The following ZNF385D variants were observed in gnomAD, a reference collection of about 807,000 sequenced individuals.
ZNF385D encodes the protein zinc finger protein 385D.
ZNF385D carries 15 observed loss-of-function variants against 35.8 expected under a neutral mutation model. The observed-to-expected ratio is 0.42, with a 90% CI of 0.28 to 0.64. ZNF385D has a LOEUF of 0.64. Among genes scored for constraint, ZNF385D ranks in the 30% least tolerant of loss-of-function variants. ZNF385D has a pLI of 0.23. For synonymous variants in ZNF385D, 212 were observed against 186.8 expected (o/e 1.13, Z -1.10); for missense variants, 474 against 494.6 (o/e 0.96, Z 0.39).
intron 2 of ZNF385D, among the ~76,000 whole-genome samples, chr3:22,205,232 G>GA (rs575156559): frequency 2.0e-5 from 3 of 151,388 alleles, no homozygotes; most frequent in African/African-American, 7.3e-5. Context: ...AATGCCGAAG[G>GA]AAAAAATATT....
intron 2 of ZNF385D, among the ~76,000 whole-genome samples, chr3:22,231,018 A>G (rs906800055): frequency 6.6e-6 from 1 of 152,162 alleles, no homozygotes; most frequent in Non-Finnish European, 1.5e-5. Flanking sequence ...TTATTACTCA[A>G]TCTACCCCAA....
At chr3:22,043,068 C>T (rs1437437374) in intron 3 of ZNF385D, among the ~76,000 whole-genome samples, 1 of 150,994 alleles carries the variant, frequency 6.6e-6, no homozygotes, top group Non-Finnish European at 1.5e-5. Context: ...CTGTGCCACA[C>T]GATCATTCCT....
At chr3:22,136,956 G>A (rs77951286) in intron 3 of ZNF385D, among the ~76,000 whole-genome samples, 6,044 of 152,174 alleles carry the variant, frequency 0.04, 187 homozygotes, top group Non-Finnish European at 0.058. Context: ...AGAGCACAGT[G>A]GATTTTTAGG....
chr3:22,203,361 C>T (rs771857846), intron 2 of ZNF385D, among the ~76,000 whole-genome samples: 6 of 152,078 alleles, frequency 3.9e-5, no homozygotes, highest in Non-Finnish European at 8.8e-5. Context: ...ATTAAAGAGT[C>T]CCTGAGTCTT....
At chr3:22,101,977 T>C (rs1037973935) in intron 3 of ZNF385D, among the ~76,000 whole-genome samples, 5 of 151,336 alleles carry the variant, frequency 3.3e-5, no homozygotes, top group African/African-American at 2.4e-5. Flanking sequence ...GGATCTAGTA[T>C]CCTACTCCCT....
At chr3:21,467,373 G>A (rs867126529) in intron 4 of ZNF385D, among the ~76,000 whole-genome samples, 7 of 152,260 alleles carry the variant, frequency 4.6e-5, no homozygotes, top group Middle Eastern at 3.4e-3. Flanking sequence ...CTAAGTGCCC[G>A]TAAGTTGGAA....
chr3:22,360,562 C>G (rs988404180), intron 2 of ZNF385D, among the ~76,000 whole-genome samples: 1 of 151,858 alleles, frequency 6.6e-6, no homozygotes, highest in Admixed American at 6.6e-5. Context: ...TTTATTAAAA[C>G]CTTAGTAAGA....
chr3:22,236,381 G>A lies in ZNF385D; in HGVS notation c.107-67346C>T, dbSNP rs57650334. On this transcript the variant is annotated intron_variant, in intron 2 of 5. Transcript: ENST00000494108. ...GAGTCTTGCTCTGTCATCCAGGCTA[G>A]AGAAGAGAGGAGTAATCATAGCTCA... Among the ~76,000 whole-genome samples, 734 of 152,160 alleles carry A rather than the reference G, an allele frequency of 4.8e-3. 10 individuals carry two copies. Among genetic ancestry groups the A allele is most frequent in the African/African-American group, 0.017 (687 of 41,498 alleles).
chr3:22,355,288 A>G (rs904155585), intron 2 of ZNF385D, among the ~76,000 whole-genome samples: 2 of 152,066 alleles, frequency 1.3e-5, no homozygotes, highest in Admixed American at 1.3e-4. Context: ...GATTCGTTAG[A>G]TCAAATAACA....
intron 2 of ZNF385D, among the ~76,000 whole-genome samples, chr3:22,200,394 C>T (rs947279031): frequency 6.6e-6 from 1 of 151,974 alleles, no homozygotes; most frequent in Admixed American, 6.6e-5. Flanking sequence ...GCCGTAAAAC[C>T]AGCAAGTTTT....
chr3:21,556,582 A>G (rs376581276), intron 3 of ZNF385D, among the ~76,000 whole-genome samples: 8 of 152,126 alleles, frequency 5.3e-5, no homozygotes, highest in African/African-American at 1.9e-4. Context: ...ATTGATCTAT[A>G]TATCTGTTTT....
chr3:22,207,174 G>A (rs1697211267), intron 2 of ZNF385D, among the ~76,000 whole-genome samples: 1 of 151,846 alleles, frequency 6.6e-6, no homozygotes, highest in Admixed American at 6.6e-5. Context: ...TTAATTTCTA[G>A]ACACATACAA....
At chr3:22,288,429 C>G (rs574695761) in intron 2 of ZNF385D, among the ~76,000 whole-genome samples, 2 of 146,528 alleles carry the variant, frequency 1.4e-5, no homozygotes, top group African/African-American at 5.5e-5. Context: ...CATCTTCCAT[C>G]TTTCATTTAT....
At chr3:21,543,839 C>T (rs1418736392) in intron 3 of ZNF385D, among the ~76,000 whole-genome samples, 1 of 152,182 alleles carries the variant, frequency 6.6e-6, no homozygotes, top group East Asian at 1.9e-4. Context: ...TGAAATGAAG[C>T]CTCCATGTTG....
chr3:21,892,488 AG>A (rs1377293585), intron 3 of ZNF385D, among the ~76,000 whole-genome samples: 2 of 152,178 alleles, frequency 1.3e-5, no homozygotes, highest in Admixed American at 1.3e-4. Flanking sequence ...TGCTCTGATT[AG>A]ATTTAAAACT....
At chr3:22,035,004 T>A (rs1381737238) in intron 3 of ZNF385D, among the ~76,000 whole-genome samples, 4 of 152,210 alleles carry the variant, frequency 2.6e-5, no homozygotes, top group Non-Finnish European at 5.9e-5. Context: ...TTTTATATTG[T>A]TTTGTACATA....
At chr3:21,839,700 C>G (rs926359756) in intron 3 of ZNF385D, among the ~76,000 whole-genome samples, 1 of 152,048 alleles carries the variant, frequency 6.6e-6, no homozygotes, top group East Asian at 1.9e-4. Flanking sequence ...TAAGACTCAG[C>G]TGACAGAACA....
At chr3:21,703,120 C>A (rs1274199927) in intron 1 of ZNF385D, among the ~76,000 whole-genome samples, 1 of 152,092 alleles carries the variant, frequency 6.6e-6, no homozygotes, top group East Asian at 1.9e-4. Context: ...TAAAGACATA[C>A]CAGAGACCAG....
chr3:22,092,622 A>G (rs1048190579), intron 3 of ZNF385D, among the ~76,000 whole-genome samples: 1 of 152,096 alleles, frequency 6.6e-6, no homozygotes, highest in African/African-American at 2.4e-5. Context: ...TCTATTATGT[A>G]TCAATTCAGC....
Sources: allele counts gnomAD v4.1 joint callset (sites outside exome capture counted in the v4.1 genomes callset), GRCh38; gene constraint gnomAD v4.1.1; transcripts MANE v1.5; gene names NCBI Gene and HGNC (gene_info 2026-07-23, HGNC 2026-07-21).